EML1: variants seen among roughly 807,000 people sequenced by gnomAD.
The protein encoded by EML1 is EMAP like 1, also known as echinoderm microtubule-associated protein-like 1.
In EML1, 27 loss-of-function variants were observed where a neutral mutation model predicts 110.4. The observed-to-expected ratio is 0.24, with a 90% CI of 0.18 to 0.34. The LOEUF (loss-of-function observed/expected upper bound fraction) is 0.34, where lower values mean the gene tolerates loss of function less well. EML1 is among the 10% of genes least tolerant of loss of function. EML1 has a pLI of 1.00. For synonymous variants in EML1, 344 were observed against 385.8 expected (o/e 0.89, Z 1.27); for missense variants, 741 against 1,030.9 (o/e 0.72, Z 3.85).
Position 99,911,512 on chromosome 14 carries a change from G to C in EML1, c.1430G>C (p.Gly477Ala), listed in dbSNP as rs2059946048. Residue 477 changes from glycine (G) to alanine (A), a missense_variant, in exon 13 of 22, where the codon GGA becomes GCA. Gly to Ala is a moderately conservative substitution (Grantham distance 60). This residue lies in a region of EML1 where 388 missense variants were observed against 605.6 expected (regional missense o/e 0.64). Transcript: ENST00000262233. ...TTAAGAGATGGCACACTGGTGTCGG[G>C]AGGTGGGAAAGACCGAAAGCTCATT... The part of the protein sequence containing the change: ...CMLRDGTLVS[G>A]GGKDRKLISW... The C allele has an allele frequency of 6.2e-7, 1 of 1,612,788 alleles. No homozygotes were observed. The highest frequency in any genetic ancestry group is 8.5e-7 in the Non-Finnish European group (1 of 1,179,818).
intron 1 of EML1, among the ~76,000 whole-genome samples, chr14:99,757,852 A>G (rs1490890160): frequency 1.3e-5 from 2 of 152,268 alleles, no homozygotes; most frequent in African/African-American, 4.8e-5. Flanking sequence ...TCTGCCAAAC[A>G]AATTACAATG....
At chr14:99,838,976 A>T (rs2058590542) in intron 1 of EML1, 1 of 151,380 alleles carries the variant, frequency 6.6e-6, no homozygotes. Context: ...CATTCCAAAG[A>T]TTTCAAAGTC....
chr14:99,862,383 G>A (rs951026419), intron 2 of EML1, among the ~76,000 whole-genome samples: 3 of 152,204 alleles, frequency 2.0e-5, no homozygotes, highest in African/African-American at 7.2e-5. Flanking sequence ...TCGTCATGTG[G>A]CTGTTAGAAG....
At chr14:99,751,946 G>A (rs916773569) in intron 1 of EML1, among the ~76,000 whole-genome samples, 4 of 152,080 alleles carry the variant, frequency 2.6e-5, no homozygotes, top group Non-Finnish European at 5.9e-5. Context: ...CCGTTTTACG[G>A]GCACGTGGCA....
intron 1 of EML1, among the ~76,000 whole-genome samples, chr14:99,800,998 C>G (rs2057864882): frequency 6.6e-6 from 1 of 152,236 alleles, no homozygotes; most frequent in South Asian, 2.1e-4. Flanking sequence ...GGAGGGGAAG[C>G]AGAGGTGACT....
chr14:99,931,014 A>C (rs577793970), intron 17 of EML1, among the ~76,000 whole-genome samples: 23 of 152,194 alleles, frequency 1.5e-4, no homozygotes, highest in Non-Finnish European at 2.5e-4. Flanking sequence ...TTACTCCGTC[A>C]CTTGCAGTAT....
intron 16 of EML1, among the ~76,000 whole-genome samples, chr14:99,919,344 T>G (rs2060087647): frequency 6.6e-6 from 1 of 152,014 alleles, no homozygotes; most frequent in Admixed American, 6.6e-5. Context: ...AGCAATATCT[T>G]AAGTATTGGG....
chr14:99,806,729 G>A (rs1181012388), intron 1 of EML1, among the ~76,000 whole-genome samples: 1 of 152,148 alleles, frequency 6.6e-6, no homozygotes, highest in Non-Finnish European at 1.5e-5. Context: ...TGGATTCAGA[G>A]CTGCCCTTCA....
intron 1 of EML1, among the ~76,000 whole-genome samples, chr14:99,829,432 A>G (rs1395885551): frequency 6.6e-6 from 1 of 152,244 alleles, no homozygotes; most frequent in Non-Finnish European, 1.5e-5. Flanking sequence ...GTCTTTCAAA[A>G]TGGTTGAATT....
intron 1 of EML1, among the ~76,000 whole-genome samples, chr14:99,776,014 T>C (rs1266563307): frequency 1.3e-5 from 2 of 152,236 alleles, no homozygotes. Flanking sequence ...TTCAAAACTA[T>C]GGCTGTCTTT....
chr14:99,855,246 G>A (rs772279177), intron 2 of EML1, among the ~76,000 whole-genome samples: 3 of 152,116 alleles, frequency 2.0e-5, no homozygotes, highest in Non-Finnish European at 4.4e-5. Flanking sequence ...AGTAATTCAC[G>A]GGTTTTTTCC....
At chr14:99,795,471 A>G (rs1189717929) in intron 1 of EML1, among the ~76,000 whole-genome samples, 1 of 151,744 alleles carries the variant, frequency 6.6e-6, no homozygotes, top group Non-Finnish European at 1.5e-5. Context: ...TTTTTTTTTT[A>G]GGTTGTCTAA....
chr14:99,865,592 C>G lies in EML1; in HGVS notation c.329C>G (p.Ser110Cys), dbSNP rs1399107214. 2 of 1,614,118 alleles carry G rather than the reference C, an allele frequency of 1.2e-6. No homozygotes were observed. The highest frequency in any genetic ancestry group is 1.7e-5 in the Admixed American group (1 of 60,004). The change falls in exon 3 of 22, where the codon TCT (serine) becomes TGT (cysteine). Residue 110 changes from serine (S) to cysteine (C), a missense_variant. By Grantham distance (112) the Ser-to-Cys change is moderately radical. Around this residue, in one of 4 missense-constraint regions of EML1, gnomAD observed 226 missense variants for 255.6 expected, o/e 0.88. Transcript: ENST00000262233. ...GTGTTACCAAAGAAACCTACTGGCTCTCTACCATCCCCCTCCGGGGTCAGG... is the reference window on the plus strand; with the variant it reads ...GTGTTACCAAAGAAACCTACTGGCTGTCTACCATCCCCCTCCGGGGTCAGG... ...GTVLPKKPTG[S>C]LPSPSGVRKE...
At chr14:99,832,003 G>A (rs1220393967) in intron 1 of EML1, among the ~76,000 whole-genome samples, 1 of 152,072 alleles carries the variant, frequency 6.6e-6, no homozygotes, top group Non-Finnish European at 1.5e-5. Context: ...TAATGAAGAT[G>A]TTCATTGCCC....
At chr14:99,779,441 C>T (rs1303153368) in intron 1 of EML1, among the ~76,000 whole-genome samples, 3 of 152,324 alleles carry the variant, frequency 2.0e-5, no homozygotes, top group Non-Finnish European at 4.4e-5. Flanking sequence ...TCTGTTTCCT[C>T]ATATCCCCTC....
chr14:99,848,085 T>A (rs1218135704), intron 1 of EML1, among the ~76,000 whole-genome samples: 1 of 152,212 alleles, frequency 6.6e-6, no homozygotes, highest in Non-Finnish European at 1.5e-5. Context: ...TTGTCTTTTT[T>A]GTACCTCTGT....
chr14:99,845,445 G>T (rs1297998956), intron 1 of EML1, among the ~76,000 whole-genome samples: 1 of 152,136 alleles, frequency 6.6e-6, no homozygotes, highest in Non-Finnish European at 1.5e-5. Context: ...AAAAGAGGAC[G>T]TGCACACATC....
chr14:99,775,104 T>C (rs140218548), intron 1 of EML1, among the ~76,000 whole-genome samples: 129 of 152,384 alleles, frequency 8.5e-4, no homozygotes, highest in South Asian at 1.2e-3. Context: ...GCTGGCGCAC[T>C]GCCCAGGACA....
chr14:99,876,995 C>T (rs1028406584), intron 3 of EML1, among the ~76,000 whole-genome samples: 10 of 152,142 alleles, frequency 6.6e-5, no homozygotes, highest in South Asian at 6.2e-4. Flanking sequence ...TACAGAGATA[C>T]CTATACTAGA....
Sources: allele counts gnomAD v4.1 joint callset (sites outside exome capture counted in the v4.1 genomes callset), GRCh38; gene constraint gnomAD v4.1.1; regional missense constraint gnomAD v4.1.1; transcripts MANE v1.5; gene names NCBI Gene and HGNC (gene_info 2026-07-23, HGNC 2026-07-21).